The following GRM1 variants were observed in gnomAD, a reference collection of about 807,000 sequenced individuals.
GRM1 encodes glutamate metabotropic receptor 1, also known as metabotropic glutamate receptor 1.
A neutral mutation model predicts 90.9 loss-of-function variants in GRM1; 33 were observed. That is an observed-to-expected ratio of 0.36 (90% CI 0.28 to 0.49). GRM1 has a LOEUF of 0.49. Ranked by LOEUF, GRM1 falls within the 20% of genes least tolerant of loss-of-function variation. GRM1 has a pLI of 0.99. For missense variants in GRM1, 1,190 were observed against 1,534.3 expected (o/e 0.78, Z 3.75); for synonymous variants, 700 against 613.2 (o/e 1.14, Z -2.09).
intron 2 of GRM1, among the ~76,000 whole-genome samples, chr6:146,195,351 T>G (rs1295022177): frequency 6.6e-6 from 1 of 152,234 alleles, no homozygotes; most frequent in African/African-American, 2.4e-5. Flanking sequence ...AAATGAGAAC[T>G]TCACAGATAA....
intron 2 of GRM1, among the ~76,000 whole-genome samples, chr6:146,291,729 A>G (rs1338523787): frequency 6.6e-6 from 1 of 152,034 alleles, no homozygotes; most frequent in South Asian, 2.1e-4. Flanking sequence ...TACTAATATG[A>G]TAAAACTATC....
At position 146,322,570 on chromosome 6, in the gene GRM1, C is replaced by CTTTATTTTAT. The variant is rs1554296827; in HGVS notation, c.1186+17727_1186+17728insATTTTATTTT. Among the ~76,000 whole-genome samples the CTTTATTTTAT allele has an allele frequency of 2.5e-4, 27 of 109,994 alleles. No individual in the cohort carries two copies. In the East Asian group the frequency reaches 4.1e-3, roughly 17 times the overall value. The allele number at this position is 109,994 out of a possible 152,430, so 72.2% of individuals were successfully genotyped here. A position where few individuals can be genotyped will look rare whatever the true frequency, so the allele number is the denominator to read the frequency against. ...ATCAGCACCTGACTGGGGCTGCTGC[C>CTTTATTTTAT]TTTCTTTTATTTTATTTTATTTTAT... On this transcript the variant is annotated intron_variant, in intron 3 of 7. Coordinates refer to ENST00000282753, the MANE Select transcript of GRM1 (RefSeq NM_001278064.2).
rs376478312 is a variant in GRM1 at position 146,434,553 on chromosome 6, G to A, written c.3342G>A (p.Glu1114=). Residue 1114 remains glutamate (E), a synonymous_variant, in exon 8 of 8, where the codon GAG becomes GAA. Transcript: ENST00000282753. The part of the protein sequence containing the change: ...KLLQEYVYEH[E]REGNTEEDEL... ...TCCAGGAGTACGTGTATGAGCACGA[G>A]CGGGAAGGGAACACGGAAGAAGACG... 47 of 1,614,144 alleles carry A rather than the reference G, an allele frequency of 2.9e-5. No individual in the cohort carries two copies. The highest frequency in any genetic ancestry group is 9.9e-5 in the South Asian group (9 of 91,078).
At chr6:146,273,590 A>G (rs148688428) in intron 2 of GRM1, among the ~76,000 whole-genome samples, 217 of 152,332 alleles carry the variant, frequency 1.4e-3, no homozygotes, top group African/African-American at 5.0e-3. Context: ...TACAAGTTCT[A>G]AGTGATGCCT....
chr6:146,278,194 C>CA (rs1782441736), intron 2 of GRM1, among the ~76,000 whole-genome samples: 1 of 151,962 alleles, frequency 6.6e-6, no homozygotes, highest in African/African-American at 2.4e-5. Context: ...CATTAAAAAC[C>CA]AGAAGCTATG....
chr6:146,380,559 A>G (rs1776285744), intron 5 of GRM1, among the ~76,000 whole-genome samples: 1 of 152,114 alleles, frequency 6.6e-6, no homozygotes, highest in Admixed American at 6.5e-5. Flanking sequence ...TGTCTGGCCC[A>G]AGGCAGATCC....
intron 2 of GRM1, among the ~76,000 whole-genome samples, chr6:146,278,552 G>A (rs941212716): frequency 2.6e-5 from 4 of 152,168 alleles, no homozygotes; most frequent in Non-Finnish European, 5.9e-5. Flanking sequence ...AAGGCGGGCG[G>A]ATCACCTGAG....
At chr6:146,049,652 TATC>T (rs1381657445) in intron 1 of GRM1, among the ~76,000 whole-genome samples, 135 of 30,054 alleles carry the variant, frequency 4.5e-3, no homozygotes, top group African/African-American at 0.016. Flanking sequence ...CCTCCTTTCA[TATC>T]TATCTATCTA....
At chr6:146,320,187 T>A (rs1562606035) in intron 3 of GRM1, among the ~76,000 whole-genome samples, 1 of 152,228 alleles carries the variant, frequency 6.6e-6, no homozygotes, top group Non-Finnish European at 1.5e-5. Context: ...GGTGTTTAAT[T>A]TTATCAAGGC....
chr6:146,086,060 C>A (rs571295193), intron 1 of GRM1, among the ~76,000 whole-genome samples: 1 of 152,104 alleles, frequency 6.6e-6, no homozygotes, highest in African/African-American at 2.4e-5. Flanking sequence ...AGAGTGCATT[C>A]TTATGTAGGT....
intron 5 of GRM1, among the ~76,000 whole-genome samples, chr6:146,371,166 A>C (rs1448167281): frequency 6.6e-6 from 1 of 152,062 alleles, no homozygotes; most frequent in Non-Finnish European, 1.5e-5. Flanking sequence ...TCTTTTGAGG[A>C]ACTCATAGTG....
intron 3 of GRM1, among the ~76,000 whole-genome samples, chr6:146,330,263 G>C (rs1438327389): frequency 1.3e-5 from 2 of 152,060 alleles, no homozygotes; most frequent in Non-Finnish European, 2.9e-5. Context: ...GATTTTTGTT[G>C]GTTGTCTTAG....
In GRM1 at chr6:146,398,829, T is replaced by A. The variant is rs186452924; in HGVS notation, c.1790T>A (p.Ile597Asn). The A allele has an allele frequency of 3.1e-6, 5 of 1,613,914 alleles. No individual in the cohort carries two copies. In the Admixed American group the frequency reaches 5.0e-5, roughly 16 times the overall value. The change falls in exon 7 of 8, where the codon ATC becomes AAC. Residue 597 changes from isoleucine (I) to asparagine (N), a missense_variant. Physicochemically the swap from Ile to Asn is moderately radical, Grantham distance 149 (BLOSUM62 -3). Coordinates refer to ENST00000282753, the MANE Select transcript of GRM1 (RefSeq NM_001278064.2). ...AGCAACATCGAATCCATTATAGCCA[T>A]CGCCTTTTCATGCCTGGGAATCCTT... Reference protein sequence around the residue: ...EWSNIESIIAIAFSCLGILVT... With the variant: ...EWSNIESIIANAFSCLGILVT...
intron 6 of GRM1, among the ~76,000 whole-genome samples, chr6:146,392,734 G>A (rs755868570): frequency 6.6e-6 from 1 of 152,022 alleles, no homozygotes; most frequent in Non-Finnish European, 1.5e-5. Context: ...CCCTCGCTAT[G>A]CCCATATGTT....
chr6:146,217,034 T>TTATATAA (rs1354262444), intron 2 of GRM1, among the ~76,000 whole-genome samples: 5 of 152,194 alleles, frequency 3.3e-5, no homozygotes, highest in Non-Finnish European at 7.3e-5. Flanking sequence ...GACATATATG[T>TTATATAA]CTATCACTAT....
At position 146,030,292 on chromosome 6, in the gene GRM1, A is replaced by G. The variant is rs751460975; in HGVS notation, c.700+75A>G. On this transcript the variant is annotated intron_variant, in intron 1 of 7. Coordinates refer to ENST00000282753, the MANE Select transcript of GRM1 (RefSeq NM_001278064.2). Reference sequence around the variant, plus strand: ...CATGATGTGCTCCTGGGATCATAGTATTGTTCCTGTTTATTTCTAGCACTG... The same window carrying G: ...CATGATGTGCTCCTGGGATCATAGTGTTGTTCCTGTTTATTTCTAGCACTG... 18 of 1,042,236 alleles carry G rather than the reference A, an allele frequency of 1.7e-5. No homozygotes were observed. In the Admixed American group the frequency reaches 2.3e-4, roughly 13 times the overall value. The allele number at this position is 1,042,236 out of a possible 1,614,324, so 64.6% of individuals were successfully genotyped here. A position where few individuals can be genotyped will look rare whatever the true frequency, so the allele number is the denominator to read the frequency against.
rs1433542694 is a variant in GRM1 at position 146,140,018 on chromosome 6, T to TC, written c.701-19326dup. On this transcript the variant is annotated intron_variant, in intron 1 of 7. Coordinates refer to ENST00000282753, the MANE Select transcript of GRM1 (RefSeq NM_001278064.2). Reference sequence around the variant, plus strand: ...TCCGCTTCCCTCCCCTCCCCTCACTTCCCCTCCTCTCCCCTTTGCTTCTTT... The same window carrying TC: ...TCCGCTTCCCTCCCCTCCCCTCACTTCCCCCTCCTCTCCCCTTTGCTTCTTT... Among the ~76,000 whole-genome samples the TC allele has an allele frequency of 2.1e-3, 289 of 136,128 alleles. 6 individuals are homozygous for TC. Among genetic ancestry groups the TC allele is most frequent in the African/African-American group, 7.6e-3 (278 of 36,616 alleles). 89.3% of individuals were successfully genotyped at this position (136,128 alleles called of 152,430 possible).
chr6:146,105,274 A>G (rs577201635), intron 1 of GRM1, among the ~76,000 whole-genome samples: 1 of 152,306 alleles, frequency 6.6e-6, no homozygotes, highest in East Asian at 1.9e-4. Flanking sequence ...TTTCTTTTGT[A>G]TGTTGATGGG....
At chr6:146,322,747 C>T (rs1784246146) in intron 3 of GRM1, among the ~76,000 whole-genome samples, 1 of 150,882 alleles carries the variant, frequency 6.6e-6, no homozygotes, top group Non-Finnish European at 1.5e-5. Context: ...TGCTATCCCT[C>T]CCGCCCTCCA....
Sources: gnomAD v4.1 joint callset for allele counts (sites outside exome capture counted in the v4.1 genomes callset) on GRCh38, gnomAD v4.1.1 for gene constraint, MANE v1.5 for transcripts, NCBI Gene and HGNC (gene_info 2026-07-23, HGNC 2026-07-21) for gene names.